TMEM14A: variants seen among roughly 807,000 people sequenced by gnomAD.
TMEM14A encodes transmembrane protein 14A.
TMEM14A carries 8 observed loss-of-function variants against 11.6 expected under a neutral mutation model. That is an observed-to-expected ratio of 0.69 (90% confidence interval 0.40 to 1.24). TMEM14A has a LOEUF of 1.24. Ranked by LOEUF, TMEM14A falls within the 50% of genes most tolerant of loss-of-function variation. The pLI is 0.01. For synonymous variants in TMEM14A, 34 were observed against 45.5 expected, an observed-to-expected ratio of 0.75 and a Z score of 1.02; for missense variants, 108 against 121.9, an observed-to-expected ratio of 0.89 and a Z score of 0.54.
intron 1 of TMEM14A, among the ~76,000 whole-genome samples, chr6:52,674,282 T>C (rs552097078): frequency 2.0e-5 from 3 of 152,362 alleles, no homozygotes; most frequent in East Asian, 1.9e-4. Context: ...CTTTAAGCTA[T>C]GAAGAGCATG....
chr6:52,679,037 G>T (rs570073775), intron 2 of TMEM14A, among the ~76,000 whole-genome samples: 2 of 152,338 alleles, frequency 1.3e-5, no homozygotes, highest in East Asian at 3.9e-4. Flanking sequence ...ATAATCTTGG[G>T]TCGGTGAAAG....
intron 1 of TMEM14A, among the ~76,000 whole-genome samples, chr6:52,672,370 C>G (rs1769178195): frequency 6.9e-6 from 1 of 144,020 alleles, no homozygotes; most frequent in African/African-American, 2.4e-5. Flanking sequence ...ATTAATCTTT[C>G]ACAACAGCTA....
intron 2 of TMEM14A, among the ~76,000 whole-genome samples, chr6:52,678,193 T>A (rs941833425): frequency 3.3e-5 from 5 of 152,048 alleles, no homozygotes; most frequent in Non-Finnish European, 7.4e-5. Flanking sequence ...TGAAAAAAAA[T>A]TTTCACTGTC....
At chr6:52,676,742 TATAATC>T (rs1769263628) in intron 1 of TMEM14A, among the ~76,000 whole-genome samples, 1 of 152,112 alleles carries the variant, frequency 6.6e-6, no homozygotes, top group Admixed American at 6.5e-5. Flanking sequence ...TCAGGAAACT[TATAATC>T]ATGGTGGAAG....
chr6:52,682,684 A>G (rs1769413675), intron 3 of TMEM14A, among the ~76,000 whole-genome samples: 1 of 151,142 alleles, frequency 6.6e-6, no homozygotes, highest in South Asian at 2.1e-4. Flanking sequence ...AGATGTAGTG[A>G]TATTAGGATT....
chr6:52,683,136 G>A (rs768763019), intron 3 of TMEM14A, among the ~76,000 whole-genome samples: 4 of 152,158 alleles, frequency 2.6e-5, no homozygotes, highest in Non-Finnish European at 4.4e-5. Context: ...CCTTCAAGGC[G>A]TGTTCTTTGA....
At chr6:52,675,358 G>C (rs1048284763) in intron 1 of TMEM14A, among the ~76,000 whole-genome samples, 1 of 152,180 alleles carries the variant, frequency 6.6e-6, no homozygotes, top group Non-Finnish European at 1.5e-5. Flanking sequence ...ACGTGAGAAA[G>C]CTCAGAAATA....
At chr6:52,683,254 G>C (rs1329296339) in intron 3 of TMEM14A, among the ~76,000 whole-genome samples, 1 of 152,124 alleles carries the variant, frequency 6.6e-6, no homozygotes, top group Non-Finnish European at 1.5e-5. Context: ...GAGGCCAGGA[G>C]TTCAAGACCA....
At chr6:52,681,713 G>C (rs1289369458) in intron 2 of TMEM14A, 100 bp from the exon 3 acceptor site, 1 of 972,432 alleles carries the variant, frequency 1.0e-6, no homozygotes. Context: ...GCCCAAGTAG[G>C]AATACATTTG....
intron 2 of TMEM14A, among the ~76,000 whole-genome samples, chr6:52,678,329 TTGTG>T (rs201993880): frequency 0.33 from 9,850 of 29,858 alleles, 684 homozygotes; most frequent in Admixed American, 0.5. Flanking sequence ...ATGTGTGTGT[TTGTG>T]TGTGTGTGTG....
At chr6:52,679,452 T>C (rs902737721) in intron 2 of TMEM14A, among the ~76,000 whole-genome samples, 3 of 152,082 alleles carry the variant, frequency 2.0e-5, no homozygotes, top group African/African-American at 7.2e-5. Flanking sequence ...TTCAGAGAGG[T>C]GCAGGTGTGC....
chr6:52,684,636 G>A (rs1338051205), intron 4 of TMEM14A, among the ~76,000 whole-genome samples: 1 of 152,172 alleles, frequency 6.6e-6, no homozygotes, highest in East Asian at 1.9e-4. Flanking sequence ...AGGGCCTCAA[G>A]TTTCTCTTAA....
At chr6:52,681,993 A>G (rs2127265207) in intron 3 of TMEM14A, 79 bp downstream of exon 3, 1 of 1,164,270 alleles carries the variant, frequency 8.6e-7, no homozygotes, top group Non-Finnish European at 1.3e-6. Flanking sequence ...TAGATATACT[A>G]GAACATATTT....
chr6:52,682,677 T>G (rs939216686), intron 3 of TMEM14A, among the ~76,000 whole-genome samples: 1 of 151,970 alleles, frequency 6.6e-6, no homozygotes, highest in African/African-American at 2.4e-5. Context: ...ATCAGCCAGA[T>G]GTAGTGATAT....
At chr6:52,671,472 T>A (rs1333699874) in intron 1 of TMEM14A, among the ~76,000 whole-genome samples, 1 of 151,954 alleles carries the variant, frequency 6.6e-6, no homozygotes, top group Non-Finnish European at 1.5e-5. Flanking sequence ...TCCCTAAATA[T>A]CCCACCTATC....
At chr6:52,679,259 C>G (rs935950644) in intron 2 of TMEM14A, among the ~76,000 whole-genome samples, 1 of 152,120 alleles carries the variant, frequency 6.6e-6, no homozygotes, top group Admixed American at 6.5e-5. Flanking sequence ...AGGTAGGTCT[C>G]CAGAGAGGTG....
At position 52,681,709 on chromosome 6, in the gene TMEM14A, G is replaced by A. The variant is rs1193740403; in HGVS notation, c.71-104G>A. ...GGCTTTGTCCAGTTACTGTGCCCAAGTAGGAATACATTTGAAGGTGCCTGT... is the reference window on the plus strand; with the variant it reads ...GGCTTTGTCCAGTTACTGTGCCCAAATAGGAATACATTTGAAGGTGCCTGT... On this transcript the variant is annotated intron_variant, in intron 2 of 4. Transcript: ENST00000211314. The A allele has an allele frequency of 1.1e-5, 10 of 944,038 alleles. No individual in the cohort carries two copies. The African/African-American group carries it at 1.5e-4, about 14-fold the overall frequency. The allele number at this position is 944,038 out of a possible 1,614,324, so 58.5% of individuals were successfully genotyped here.
chr6:52,675,041 C>T (rs1769230454), intron 1 of TMEM14A, among the ~76,000 whole-genome samples: 1 of 151,950 alleles, frequency 6.6e-6, no homozygotes, highest in African/African-American at 2.4e-5. Flanking sequence ...CATGCCACGT[C>T]CGGGTAATTT....
chr6:52,676,194 G>A (rs1315459636), intron 1 of TMEM14A, among the ~76,000 whole-genome samples: 2 of 152,204 alleles, frequency 1.3e-5, no homozygotes, highest in Non-Finnish European at 2.9e-5. Context: ...ACCCCCCAGA[G>A]TGTGCTTAAC....
Sources: gnomAD v4.1 joint callset for allele counts (sites outside exome capture counted in the v4.1 genomes callset) on GRCh38, gnomAD v4.1.1 for gene constraint, MANE v1.5 for transcripts, NCBI Gene and HGNC (gene_info 2026-07-23, HGNC 2026-07-21) for gene names.